The following CHST9 variants were observed in gnomAD, a reference collection of about 807,000 sequenced individuals.
CHST9 encodes the protein GalNAc-4-sulfotransferase 2.
CHST9 carries 41 observed loss-of-function variants against 44.4 expected under a neutral mutation model. The observed-to-expected ratio is 0.92, with a 90% CI of 0.72 to 1.20. The LOEUF (loss-of-function observed/expected upper bound fraction) is 1.20. Ranked by LOEUF, CHST9 falls within the 50% of genes most tolerant of loss-of-function variation. CHST9 has a pLI of 0.00. For missense variants in CHST9, 504 were observed against 516.5 expected, an observed-to-expected ratio of 0.98 and a Z score of 0.23; for synonymous variants, 171 against 178.4, an observed-to-expected ratio of 0.96 and a Z score of 0.33.
intron 4 of CHST9, among the ~76,000 whole-genome samples, chr18:27,017,833 A>T (rs895389191): frequency 4.6e-5 from 7 of 152,322 alleles, no homozygotes; most frequent in African/African-American, 1.7e-4. Flanking sequence ...TTTGTTTAAA[A>T]TTGTATTACT....
At chr18:27,057,632 T>C (rs1428621504) in intron 2 of CHST9, among the ~76,000 whole-genome samples, 1 of 152,206 alleles carries the variant, frequency 6.6e-6, no homozygotes, top group African/African-American at 2.4e-5. Context: ...CTCCAGACAG[T>C]GTGTACTGAG....
intron 4 of CHST9, among the ~76,000 whole-genome samples, chr18:26,972,237 G>C (rs1412420273): frequency 6.6e-6 from 1 of 151,496 alleles, no homozygotes; most frequent in Non-Finnish European, 1.5e-5. Flanking sequence ...CGGGCCTGTA[G>C]TCCCAGCTAC....
intron 4 of CHST9, among the ~76,000 whole-genome samples, chr18:27,002,911 GA>G (rs1365086406): frequency 3.9e-5 from 6 of 152,128 alleles, no homozygotes; most frequent in African/African-American, 1.4e-4. Flanking sequence ...GCAGAAATGT[GA>G]AAAGATGAAA....
intron 2 of CHST9, among the ~76,000 whole-genome samples, chr18:27,076,618 G>A (rs1222820124): frequency 2.0e-5 from 3 of 152,114 alleles, no homozygotes; most frequent in South Asian, 2.1e-4. Flanking sequence ...GTGTATACCC[G>A]AATGAGTCCA....
At chr18:27,023,822 CT>C (rs1431673687) in intron 4 of CHST9, among the ~76,000 whole-genome samples, 1 of 152,138 alleles carries the variant, frequency 6.6e-6, no homozygotes, top group Non-Finnish European at 1.5e-5. Flanking sequence ...AATATGTAAA[CT>C]TTTTCATATA....
At chr18:27,075,056 C>G (rs1388960661) in intron 2 of CHST9, among the ~76,000 whole-genome samples, 1 of 150,390 alleles carries the variant, frequency 6.6e-6, no homozygotes, top group Non-Finnish European at 1.5e-5. Context: ...CTGTAGATCA[C>G]TGATAAAGAA....
At chr18:27,127,933 G>A (rs554454950) in intron 2 of CHST9, among the ~76,000 whole-genome samples, 3 of 152,284 alleles carry the variant, frequency 2.0e-5, no homozygotes, top group Admixed American at 6.5e-5. Context: ...TGACGACAGA[G>A]GAGAGGTGAT....
At chr18:27,127,927 G>A (rs1371131443) in intron 2 of CHST9, among the ~76,000 whole-genome samples, 1 of 152,176 alleles carries the variant, frequency 6.6e-6, no homozygotes, top group African/African-American at 2.4e-5. Context: ...TTTCTGTGAC[G>A]ACAGAGGAGA....
At chr18:27,172,636 T>C (rs967462517) in intron 1 of CHST9, among the ~76,000 whole-genome samples, 2 of 152,072 alleles carry the variant, frequency 1.3e-5, no homozygotes, top group African/African-American at 2.4e-5. Context: ...GTAATTTTCC[T>C]AATAAGGAGA....
intron 4 of CHST9, among the ~76,000 whole-genome samples, chr18:27,022,520 C>A (rs1247085167): frequency 6.6e-6 from 1 of 152,184 alleles, no homozygotes; most frequent in Non-Finnish European, 1.5e-5. Flanking sequence ...TAAAGGGTAT[C>A]TTTTCTTGGT....
intron 1 of CHST9, among the ~76,000 whole-genome samples, chr18:27,153,546 C>CTGTGTGTG (rs370815871): frequency 0.29 from 39,435 of 137,386 alleles, 5,768 homozygotes; most frequent in East Asian, 0.46. Context: ...CTCTCTCTCT[C>CTGTGTGTG]TGTGTGTGTG....
At chr18:27,020,562 G>T (rs1239498553) in intron 4 of CHST9, among the ~76,000 whole-genome samples, 1 of 152,202 alleles carries the variant, frequency 6.6e-6, no homozygotes, top group Non-Finnish European at 1.5e-5. Flanking sequence ...ATTCATGGGA[G>T]ATGTTTATAT....
intron 1 of CHST9, among the ~76,000 whole-genome samples, chr18:27,153,542 C>G (rs943699035): frequency 9.8e-4 from 96 of 98,438 alleles, no homozygotes; most frequent in African/African-American, 3.4e-3. Flanking sequence ...CTCTCTCTCT[C>G]TCTCTGTGTG....
intron 2 of CHST9, among the ~76,000 whole-genome samples, chr18:27,053,130 GGAAGAAGAAGAAGAAGAAGAAGAAGAA>G (rs200427246): frequency 1.4e-4 from 10 of 71,200 alleles, no homozygotes; most frequent in Admixed American, 8.7e-4. Context: ...AGGAAGAAGA[GGAAGAAGAAGAAGAAGAAGAAGAAGAA>G]GAAGAAGAAG....
intron 2 of CHST9, among the ~76,000 whole-genome samples, chr18:27,122,012 G>A (rs1392362658): frequency 6.6e-6 from 1 of 152,140 alleles, no homozygotes; most frequent in East Asian, 1.9e-4. Flanking sequence ...TGTGTTTGAA[G>A]CTCGTGAGAG....
intron 1 of CHST9, chr18:27,147,825 AC>A (rs1300699360): frequency 1.3e-5 from 2 of 150,184 alleles, no homozygotes; most frequent in African/African-American, 4.9e-5. Context: ...TTATCTGGAC[AC>A]TATTCTGTTC....
intron 2 of CHST9, among the ~76,000 whole-genome samples, chr18:27,091,179 TC>T (rs2058065206): frequency 1.3e-5 from 2 of 152,204 alleles, no homozygotes; most frequent in African/African-American, 4.8e-5. Flanking sequence ...TAAGTTGGAT[TC>T]CTAGGTATTT....
chr18:27,062,195 G>A (rs1231516541), intron 2 of CHST9, among the ~76,000 whole-genome samples: 6 of 151,932 alleles, frequency 3.9e-5, no homozygotes, highest in African/African-American at 1.5e-4. Flanking sequence ...AAGTTCTAGG[G>A]TACATATGCA....
Position 26,943,352 on chromosome 18 carries a change from C to T in CHST9, c.240+977G>A, listed in dbSNP as rs572452404. Reference sequence around the variant, plus strand: ...GCTTGATGAGTTACAGGGCATCTGGCACAGATTGGGTAAAACTAGAACTTT... The same window carrying T: ...GCTTGATGAGTTACAGGGCATCTGGTACAGATTGGGTAAAACTAGAACTTT... On this transcript the variant is annotated intron_variant, in intron 5 of 5. Coordinates refer to ENST00000618847, the MANE Select transcript of CHST9 (RefSeq NM_031422.6). Among the ~76,000 whole-genome samples, 116 of 152,274 alleles carry T rather than the reference C, an allele frequency of 7.6e-4. 1 individual carries two copies. The highest frequency in any genetic ancestry group is 2.7e-3 in the African/African-American group (114 of 41,552).
Sources: allele counts gnomAD v4.1 joint callset (sites outside exome capture counted in the v4.1 genomes callset), GRCh38; gene constraint gnomAD v4.1.1; transcripts MANE v1.5; gene names NCBI Gene and HGNC (gene_info 2026-07-23, HGNC 2026-07-21).